Variants in DTX3L observed in about 807,000 individuals in gnomAD.
The protein encoded by DTX3L is E3 ubiquitin-protein ligase DTX3L.
Under a neutral mutation model 60.9 loss-of-function variants are expected in DTX3L, and 34 were observed. That is an observed-to-expected ratio of 0.56 (90% CI 0.42 to 0.74). The LOEUF (loss-of-function observed/expected upper bound fraction) is 0.74. Ranked by LOEUF, DTX3L falls within the 30% of genes least tolerant of loss-of-function variation. DTX3L has a pLI of 0.00. For missense variants in DTX3L, 810 were observed against 874.0 expected (o/e 0.93, Z 0.92); for synonymous variants, 290 against 316.6 (o/e 0.92, Z 0.89).
Position 122,569,656 on chromosome 3 carries a change from G to A in DTX3L, c.1567G>A (p.Gly523Ser). Residue 523 changes from glycine (G) to serine (S), a missense_variant, in exon 3 of 5, where the codon GGT becomes AGT. Coordinates refer to ENST00000296161, the MANE Select transcript of DTX3L (RefSeq NM_138287.3). ...SSLAGKKLKE[G>S]HETPMDIDSD... The stretch of plus-strand genomic sequence containing the variant: ...ATTGGCTGGAAAGAAATTGAAAGAG[G>A]GTCATGAAACACCGATGGACATTGA... 1 of 1,614,124 alleles carries A rather than the reference G, an allele frequency of 6.2e-7. No homozygotes were observed. Among genetic ancestry groups the A allele is most frequent in the South Asian group, 1.1e-5 (1 of 91,076 alleles).
At chr3:122,564,650 G>C (rs2080520750) in intron 1 of DTX3L, 37 bp downstream of exon 1, 3 of 1,563,844 alleles carry the variant, frequency 1.9e-6, no homozygotes, top group Admixed American at 2.1e-5. Context: ...AAGCCCTCTG[G>C]GGGCCCGGCC....
chr3:122,571,621 C>T, intron 4 of DTX3L, 57 bp from the exon 5 acceptor site: 1 of 1,299,846 alleles, frequency 7.7e-7, no homozygotes. Context: ...TGCTGGATAT[C>T]TATTGCACAT....
chr3:122,568,045 CAT>C (rs1218315868), intron 2 of DTX3L, among the ~76,000 whole-genome samples: 1 of 152,184 alleles, frequency 6.6e-6, no homozygotes, highest in Non-Finnish European at 1.5e-5. Context: ...CACGGTGGCA[CAT>C]GTCTGTAATC....
rs371545373 is a variant in DTX3L at position 122,569,231 on chromosome 3, A to G, written c.1142A>G (p.Asp381Gly). Residue 381 changes from aspartate to glycine, a missense_variant, in exon 3 of 5, where the codon GAT becomes GGT. Transcript: ENST00000296161. ...TACATGATGAATGTAATTGAGGTTG[A>G]TAGTGCCCACTATAAACTTTTAGAA... ...ANYMMNVIEV[D>G]SAHYKLLETE... The G allele has an allele frequency of 2.1e-5, 34 of 1,614,094 alleles. No homozygotes were observed. The highest frequency in any genetic ancestry group is 3.3e-4 in the Middle Eastern group (2 of 6,084).
rs1446699462 is a variant in DTX3L at position 122,569,078 on chromosome 3, C to G, written c.989C>G (p.Thr330Arg). The G allele has an allele frequency of 1.2e-6, 2 of 1,614,086 alleles. No homozygotes were observed. The highest frequency in any genetic ancestry group is 2.7e-5 in the African/African-American group (2 of 75,024). ...AAACAGGAATTGAATCACCAGTTTA[C>G]AAAGCTCCTTATAAAGGAGAAAGGA... ...KFKQELNHQF[T>R]KLLIKEKGGE... Residue 330 changes from threonine (T) to arginine (R), a missense_variant, in exon 3 of 5, where the codon ACA becomes AGA. Transcript: ENST00000296161.
Position 122,569,709 on chromosome 3 carries a change from G to A in DTX3L, c.1620G>A (p.Pro540=), listed in dbSNP as rs772297545. 56 of 1,614,026 alleles carry A rather than the reference G, an allele frequency of 3.5e-5. No individual in the cohort carries two copies. Among genetic ancestry groups the A allele is most frequent in the Non-Finnish European group, 4.2e-5 (49 of 1,180,030 alleles). Residue 540 remains proline, a synonymous_variant, in exon 3 of 5, where the codon CCG becomes CCA. Transcript: ENST00000296161. ...IDSDDSKAAS[P]PLKGSVSSEA... is the part of the protein sequence containing the mutation. ...GCGATGATTCCAAAGCAGCTTCTCC[G>A]CCACTCAAGGGCTCTGTGAGTTCTG...
Position 122,569,440 on chromosome 3 carries a change from G to T in DTX3L, c.1351G>T (p.Glu451Ter). 5 of 1,614,158 alleles carry T rather than the reference G, an allele frequency of 3.1e-6. No homozygotes were observed. The highest frequency in any genetic ancestry group is 4.2e-6 in the Non-Finnish European group (5 of 1,180,034). ...ACATGCCTCATGTCAGTTGATGAGA[G>T]AAGTTCTTTTACTGAAGTCTTTGGG... The part of the protein sequence containing the change: ...FQHASCQLMR[E>*]VLLLKSLGKE... The change falls in exon 3 of 5, where the codon GAA becomes TAA. Residue 451 changes from glutamate (E) to a stop codon, truncating the protein, a stop_gained. Transcript: ENST00000296161. LOFTEE classifies it high-confidence loss of function.
At chr3:122,568,352 G>A (rs981328866) in intron 2 of DTX3L, 137 bp from the exon 3 acceptor site, 1 of 392,078 alleles carries the variant, frequency 2.6e-6, no homozygotes, top group African/African-American at 2.2e-5. Flanking sequence ...TAAATAAATA[G>A]GATTTGAAAG....
At position 122,572,826 on chromosome 3, in the gene DTX3L, G is replaced by T. The variant is rs773396775; in HGVS notation, c.*1079G>T. The stretch of plus-strand genomic sequence containing the variant: ...ACTCCTGAGCTCAAATGATCCTCCT[G>T]CCTTGGCCTCCCAAAGTGCTGGAAT... On this transcript the variant is annotated 3_prime_UTR_variant, in exon 5 of 5. Coordinates refer to ENST00000296161, the MANE Select transcript of DTX3L (RefSeq NM_138287.3). The T allele has an allele frequency of 6.6e-6, 1 of 151,844 alleles. No individual in the cohort carries two copies. Among genetic ancestry groups the T allele is most frequent in the Non-Finnish European group, 1.5e-5 (1 of 68,026 alleles). The allele number at this position is 151,844 out of a possible 1,614,324, so 9.4% of individuals were successfully genotyped here. A position where few individuals can be genotyped will look rare whatever the true frequency, so the allele number is the denominator to read the frequency against.
At chr3:122,566,110 C>G (rs1314974647) in intron 2 of DTX3L, 40 bp downstream of exon 2, 1 of 1,562,604 alleles carries the variant, frequency 6.4e-7, no homozygotes, top group Admixed American at 1.7e-5. Flanking sequence ...CCTGCGCCTC[C>G]TCTCCAGTCA....
Position 122,570,626 on chromosome 3 carries a change from T to C in DTX3L, c.2107T>C (p.Trp703Arg), listed in dbSNP as rs937309617. 1.2e-6 allele frequency: 2 copies of C among 1,614,070 alleles called. No individual in the cohort carries two copies. Among genetic ancestry groups the C allele is most frequent in the Admixed American group, 1.7e-5 (1 of 60,008 alleles). The change falls in exon 4 of 5, where the codon TGG (tryptophan) becomes CGG (arginine). Residue 703 changes from tryptophan (W) to arginine (R), a missense_variant. Coordinates refer to ENST00000296161, the MANE Select transcript of DTX3L (RefSeq NM_138287.3). ...ATTAGGAGTCTCAGATGTCATCACT[T>C]GGAATGATATTCACCACAAAACATC... ...RVLGVSDVIT[W>R]NDIHHKTSRF...
Position 122,569,347 on chromosome 3 carries a change from TTTG to T in DTX3L, c.1259_1261del (p.Phe420_Glu421delinsTer). 1 of 1,614,176 alleles carries T rather than the reference TTTG, an allele frequency of 6.2e-7. No individual in the cohort carries two copies. The highest frequency in any genetic ancestry group is 8.5e-7 in the Non-Finnish European group (1 of 1,180,038). ...GAAAGGTCAGAAAACCTGCATTCTG[TTTG>T]AATCCAAGGACAGGCAGGTAGATCT... On this transcript the variant is annotated stop_gained and inframe_deletion, in exon 3 of 5. Coordinates refer to ENST00000296161, the MANE Select transcript of DTX3L (RefSeq NM_138287.3). LOFTEE classifies it high-confidence loss of function.
Position 122,572,935 on chromosome 3 carries a change from C to G in DTX3L, c.*1188C>G, listed in dbSNP as rs2080655578. ...GTATATAGTTGGTGCCTGTCTTAGT[C>G]TGTTTGTGTTGCTATAAAAGAACAC... On this transcript the variant is annotated 3_prime_UTR_variant, in exon 5 of 5. Coordinates refer to ENST00000296161, the MANE Select transcript of DTX3L (RefSeq NM_138287.3). 1 of 152,152 alleles carries G rather than the reference C, an allele frequency of 6.6e-6. No individual in the cohort carries two copies. Among genetic ancestry groups the G allele is most frequent in the African/African-American group, 2.4e-5 (1 of 41,416 alleles). 9.4% of individuals were successfully genotyped at this position (152,152 alleles called of 1,614,324 possible).
In DTX3L at chr3:122,568,719, A is replaced by G. The variant is rs747285156; in HGVS notation, c.630A>G (p.Pro210=). ...QFSPSMTERK[P]LSQQERDSCI... is the part of the protein sequence containing the mutation. ...CCCCTTCAATGACAGAGAGGAAGCC[A>G]CTCAGTCAGCAGGAGAGGGACAGCT... Residue 210 remains proline (P), a synonymous_variant, in exon 3 of 5, where the codon CCA becomes CCG. Coordinates refer to ENST00000296161, the MANE Select transcript of DTX3L (RefSeq NM_138287.3). The G allele has an allele frequency of 6.2e-7, 1 of 1,614,198 alleles. No individual in the cohort carries two copies. The highest frequency in any genetic ancestry group is 8.5e-7 in the Non-Finnish European group (1 of 1,180,024).
Position 122,569,948 on chromosome 3 carries a change from C to G in DTX3L, c.1859C>G (p.Ser620Ter). Reference sequence around the variant, plus strand: ...GAGGGAAGCATGGTTTTCACTGTTTCAAGAGACTCACTTCCAGGTTATGAG... The same window carrying G: ...GAGGGAAGCATGGTTTTCACTGTTTGAAGAGACTCACTTCCAGGTTATGAG... ...QPEGSMVFTV[S>*]RDSLPGYESF... Residue 620 changes from serine to a stop codon, truncating the protein, a stop_gained, in exon 3 of 5, where the codon TCA (serine) becomes TGA (stop). Transcript: ENST00000296161. LOFTEE classifies it high-confidence loss of function. The G allele has an allele frequency of 6.2e-7, 1 of 1,614,114 alleles. No individual in the cohort carries two copies. Among genetic ancestry groups the G allele is most frequent in the Non-Finnish European group, 8.5e-7 (1 of 1,179,996 alleles).
At chr3:122,565,262 T>C (rs1281718398) in intron 1 of DTX3L, among the ~76,000 whole-genome samples, 3 of 151,900 alleles carry the variant, frequency 2.0e-5, no homozygotes, top group East Asian at 1.9e-4. Flanking sequence ...CCTGTAATCC[T>C]AGCACTTTGG....
At position 122,571,694 on chromosome 3, in the gene DTX3L, C is replaced by G. The variant is rs765522828; in HGVS notation, c.2170C>G (p.Pro724Ala). 1.9e-6 allele frequency: 3 copies of G among 1,613,168 alleles called. No individual in the cohort carries two copies. The highest frequency in any genetic ancestry group is 2.5e-6 in the Non-Finnish European group (3 of 1,179,416). ...GGPEMYGYPD[P>A]SYLKRVKEEL... The stretch of plus-strand genomic sequence containing the variant: ...TTTCTTCAGGTATGGCTATCCTGAT[C>G]CTTCTTACCTGAAACGTGTCAAAGA... Residue 724 changes from proline (P) to alanine (A), a missense_variant, in exon 5 of 5, where the codon CCT becomes GCT. Coordinates refer to ENST00000296161, the MANE Select transcript of DTX3L (RefSeq NM_138287.3).
chr3:122,564,574 G>A lies in DTX3L; in HGVS notation c.148G>A (p.Ala50Thr). ...ECTVSTQEHE[A>T]PGTFRVEFSE... ...CACGGTCAGCACCCAGGAACACGAA[G>A]CCCCGGGCACCTTCCGGGTGGAGTT... Residue 50 changes from alanine (A) to threonine (T), a missense_variant, in exon 1 of 5, where the codon GCC (alanine) becomes ACC (threonine). By Grantham distance (58) the Ala-to-Thr change is moderately conservative. Coordinates refer to ENST00000296161, the MANE Select transcript of DTX3L (RefSeq NM_138287.3). 6.2e-7 allele frequency: 1 copy of A among 1,604,254 alleles called. No homozygotes were observed. Among genetic ancestry groups the A allele is most frequent in the Non-Finnish European group, 8.5e-7 (1 of 1,175,246 alleles).
At chr3:122,567,532 T>C (rs934247552) in intron 2 of DTX3L, among the ~76,000 whole-genome samples, 1 of 152,194 alleles carries the variant, frequency 6.6e-6, no homozygotes, top group Non-Finnish European at 1.5e-5. Flanking sequence ...TTACAGTCAA[T>C]TGGTCTCTGT....
Sources: allele counts gnomAD v4.1 joint callset (sites outside exome capture counted in the v4.1 genomes callset), GRCh38; gene constraint gnomAD v4.1.1; transcripts MANE v1.5; gene names NCBI Gene and HGNC (gene_info 2026-07-23, HGNC 2026-07-21).